Variants in SNX6 observed in about 807,000 individuals in gnomAD.
The protein encoded by SNX6 is sorting nexin 6.
Under a neutral mutation model 63.0 loss-of-function variants are expected in SNX6, and 34 were observed. The observed-to-expected ratio is 0.54, with a 90% CI of 0.41 to 0.72. The LOEUF (loss-of-function observed/expected upper bound fraction) is 0.72, where lower values mean the gene tolerates loss of function less well. SNX6 is among the 30% of genes least tolerant of loss of function. The pLI is 0.00. For missense variants in SNX6, 398 were observed against 471.4 expected (o/e 0.84, Z 1.44); for synonymous variants, 170 against 164.2 (o/e 1.04, Z -0.27).
intron 2 of SNX6, among the ~76,000 whole-genome samples, chr14:34,627,932 T>C (rs1439371692): frequency 6.6e-6 from 1 of 152,162 alleles, no homozygotes; most frequent in African/African-American, 2.4e-5. Flanking sequence ...AAACTAAAAA[T>C]CTTACCAACA....
intron 8 of SNX6, among the ~76,000 whole-genome samples, chr14:34,591,473 TC>T (rs2138317357): frequency 6.6e-6 from 1 of 152,224 alleles, no homozygotes; most frequent in Admixed American, 6.6e-5. Context: ...GCGCCTGTAA[TC>T]CCAGCTACTT....
intron 2 of SNX6, among the ~76,000 whole-genome samples, chr14:34,625,977 T>C (rs1883811368): frequency 6.6e-6 from 1 of 152,156 alleles, no homozygotes. Flanking sequence ...GAAATGTGTT[T>C]TAAAGTCCAG....
At chr14:34,630,039 G>C (rs1033846783) in intron 1 of SNX6, 72 bp downstream of exon 1, 15 of 1,439,332 alleles carry the variant, frequency 1.0e-5, no homozygotes, top group African/African-American at 1.5e-5. Flanking sequence ...AGGCTGGCGC[G>C]GTCCCCGCGC....
chr14:34,589,249 G>T (rs1459600348), intron 8 of SNX6, among the ~76,000 whole-genome samples: 1 of 151,676 alleles, frequency 6.6e-6, no homozygotes, highest in African/African-American at 2.4e-5. Flanking sequence ...GAGGTCAGGA[G>T]TTTGAGACCA....
intron 2 of SNX6, among the ~76,000 whole-genome samples, chr14:34,627,769 C>T (rs543511319): frequency 3.3e-5 from 5 of 151,840 alleles, no homozygotes; most frequent in African/African-American, 9.7e-5. Context: ...GGATTACAGG[C>T]GTGAGCCACC....
chr14:34,590,023 A>G (rs1882328125), intron 8 of SNX6, among the ~76,000 whole-genome samples: 1 of 152,088 alleles, frequency 6.6e-6, no homozygotes, highest in African/African-American at 2.4e-5. Flanking sequence ...GGCAGGCTGA[A>G]GTGGAAGGAT....
intron 6 of SNX6, among the ~76,000 whole-genome samples, chr14:34,599,418 A>C (rs6571666): frequency 0.86 from 129,645 of 151,502 alleles, 55,587 homozygotes; most frequent in African/African-American, 0.88. Context: ...CTAGCCTTGA[A>C]GAACATGGTG....
rs913748303 is a variant in SNX6 at position 34,574,915 on chromosome 14, G to C, written c.921+841C>G. Among the ~76,000 whole-genome samples the C allele has an allele frequency of 5.3e-5, 8 of 151,990 alleles. No homozygotes were observed. In the South Asian group the frequency reaches 1.7e-3, roughly 32 times the overall value. On this transcript the variant is annotated intron_variant, in intron 11 of 13. Coordinates refer to ENST00000362031, the MANE Select transcript of SNX6 (RefSeq NM_152233.4). ...TTTATTATTATTATTTTTTGAGACA[G>C]AGTTTCACTCTTGTTGCCCAGGCTG...
At chr14:34,565,478 A>G (rs1370131286) in intron 13 of SNX6, among the ~76,000 whole-genome samples, 1 of 151,836 alleles carries the variant, frequency 6.6e-6, no homozygotes, top group African/African-American at 2.4e-5. Flanking sequence ...TAGTTTACCA[A>G]CCCCTGATCT....
chr14:34,594,660 C>T (rs1882530687), intron 7 of SNX6, among the ~76,000 whole-genome samples: 1 of 152,078 alleles, frequency 6.6e-6, no homozygotes. Flanking sequence ...CTGCACCTGG[C>T]ACAAAAATAA....
intron 10 of SNX6, among the ~76,000 whole-genome samples, chr14:34,580,767 T>C (rs1251121565): frequency 6.6e-6 from 1 of 151,716 alleles, no homozygotes; most frequent in East Asian, 1.9e-4. Context: ...TCAAGCATCC[T>C]CCTGCCTCAG....
At chr14:34,599,232 C>T (rs1279566792) in intron 6 of SNX6, among the ~76,000 whole-genome samples, 1 of 152,156 alleles carries the variant, frequency 6.6e-6, no homozygotes, top group Non-Finnish European at 1.5e-5. Context: ...ATGTTATATC[C>T]AATTGCCCAC....
At chr14:34,592,823 C>T (rs151277473) in intron 8 of SNX6, among the ~76,000 whole-genome samples, 103 of 152,300 alleles carry the variant, frequency 6.8e-4, no homozygotes, top group African/African-American at 2.4e-3. Context: ...GTGATATTCC[C>T]GCTTCAGCCT....
At chr14:34,628,196 A>G (rs1594756392) in intron 2 of SNX6, among the ~76,000 whole-genome samples, 1 of 151,524 alleles carries the variant, frequency 6.6e-6, no homozygotes, top group African/African-American at 2.4e-5. Context: ...GTGGTGGCTC[A>G]CGCCTATAAT....
intron 7 of SNX6, among the ~76,000 whole-genome samples, chr14:34,596,225 A>T (rs1882591331): frequency 6.6e-6 from 1 of 152,040 alleles, no homozygotes; most frequent in South Asian, 2.1e-4. Flanking sequence ...TCCAAAAAAA[A>T]AAAAGAAAAA....
Position 34,587,304 on chromosome 14 carries a change from G to A in SNX6, c.719-999C>T, listed in dbSNP as rs1021711576. ...TCCCAGCACTTTGGGAGGCCAAGGC[G>A]GGCAGATCATGAGGTTAGGAGATTG... On this transcript the variant is annotated intron_variant, in intron 8 of 13. Transcript: ENST00000362031. 3.3e-5 allele frequency among the ~76,000 whole-genome samples: 5 copies of A among 151,518 alleles called. No individual in the cohort carries two copies. The East Asian group carries it at 7.8e-4, about 24-fold the overall frequency.
intron 8 of SNX6, among the ~76,000 whole-genome samples, chr14:34,586,643 G>C (rs577460968): frequency 1.3e-5 from 2 of 152,192 alleles, no homozygotes; most frequent in African/African-American, 4.8e-5. Context: ...AGGACACAGA[G>C]GTTGCAGTGA....
chr14:34,574,098 G>A (rs901044587), intron 11 of SNX6, among the ~76,000 whole-genome samples: 1 of 151,904 alleles, frequency 6.6e-6, no homozygotes, highest in Non-Finnish European at 1.5e-5. Flanking sequence ...AGCACTTTGG[G>A]AGGCCGAGGT....
In SNX6 at chr14:34,587,532, C is replaced by CAAAAAA. The variant is rs34380966; in HGVS notation, c.719-1233_719-1228dup. On this transcript the variant is annotated intron_variant, in intron 8 of 13. Coordinates refer to ENST00000362031, the MANE Select transcript of SNX6 (RefSeq NM_152233.4). ...TGGGCGACAGAGCAAGACTCCATCT[C>CAAAAAA]AAAAAAAAAAAAAAAAAAAAAAAAA... 2.8e-4 allele frequency among the ~76,000 whole-genome samples: 16 copies of CAAAAAA among 57,806 alleles called. 2 individuals are homozygous for CAAAAAA. Among genetic ancestry groups the CAAAAAA allele is most frequent in the African/African-American group, 1.0e-3 (14 of 13,814 alleles). The allele number at this position is 57,806 out of a possible 152,430, so 37.9% of individuals were successfully genotyped here.
Sources: allele counts gnomAD v4.1 joint callset (sites outside exome capture counted in the v4.1 genomes callset), GRCh38; gene constraint gnomAD v4.1.1; transcripts MANE v1.5; gene names NCBI Gene and HGNC (gene_info 2026-07-23, HGNC 2026-07-21).